Variants in KIAA0513 observed in about 807,000 individuals in gnomAD.
KIAA0513 encodes the protein KIAA0513.
Under a neutral mutation model 56.5 loss-of-function variants are expected in KIAA0513, and 39 were observed. The observed-to-expected ratio is 0.69, with a 90% CI of 0.53 to 0.90. KIAA0513 has a LOEUF of 0.90. KIAA0513 is among the 40% of genes least tolerant of loss of function. The pLI, the probability that KIAA0513 is intolerant of heterozygous loss-of-function variation, is 0.00. For missense variants in KIAA0513, 591 were observed against 535.2 expected, an observed-to-expected ratio of 1.10 and a Z score of -1.03; for synonymous variants, 268 against 215.6, an observed-to-expected ratio of 1.24 and a Z score of -2.13.
At chr16:85,079,274 G>A in intron 8 of KIAA0513, 1 of 544,080 alleles carries the variant, frequency 1.8e-6, no homozygotes, top group Non-Finnish European at 3.0e-6. Context: ...GAGTTACTCT[G>A]TGACCCAGCA....
intron 1 of KIAA0513, among the ~76,000 whole-genome samples, chr16:85,032,065 G>A (rs1189128662): frequency 6.6e-6 from 1 of 152,194 alleles, no homozygotes; most frequent in Non-Finnish European, 1.5e-5. Flanking sequence ...CTGGAGAACA[G>A]AAGTCCAAAA....
chr16:85,036,887 C>T (rs542467277), intron 1 of KIAA0513, among the ~76,000 whole-genome samples: 4 of 152,212 alleles, frequency 2.6e-5, no homozygotes, highest in South Asian at 4.1e-4. Context: ...GTCTGAGGCC[C>T]GCCTTGCTCA....
Position 85,089,993 on chromosome 16 carries a change from C to G in KIAA0513, c.*1668C>G, listed in dbSNP as rs563883126. 1 of 152,312 alleles carries G rather than the reference C, an allele frequency of 6.6e-6. No homozygotes were observed. The highest frequency in any genetic ancestry group is 6.5e-5 in the Admixed American group (1 of 15,296). The allele number at this position is 152,312 out of a possible 1,614,324, so 9.4% of individuals were successfully genotyped here. A position where few individuals can be genotyped will look rare whatever the true frequency, so the allele number is the denominator to read the frequency against. On this transcript the variant is annotated 3_prime_UTR_variant, in exon 13 of 13. Transcript: ENST00000683363. The surrounding 1 kb of genome is among the most constrained non-coding windows in gnomAD (Gnocchi z 4.2). ...TGCATGGTGCATGAGTGATCTCAGC[C>G]TAGCGATGCCGCTGGCCAGACCGTG...
intron 1 of KIAA0513, among the ~76,000 whole-genome samples, chr16:85,028,196 G>A (rs1188054559): frequency 6.6e-6 from 1 of 152,202 alleles, no homozygotes; most frequent in Non-Finnish European, 1.5e-5. Flanking sequence ...CCCCAACCCC[G>A]GGGCAGATGG....
In KIAA0513 at chr16:85,077,676, G is replaced by A. The variant is rs769700066; in HGVS notation, c.782+44G>A. The A allele has an allele frequency of 4.0e-6, 6 of 1,481,826 alleles. No homozygotes were observed. In the South Asian group the frequency reaches 6.2e-5, roughly 15 times the overall value. The allele number at this position is 1,481,826 out of a possible 1,614,324, so 91.8% of individuals were successfully genotyped here. A position where few individuals can be genotyped will look rare whatever the true frequency, so the allele number is the denominator to read the frequency against. ...TCCCTCCCACCTGCAGGGGACTGGG[G>A]AGAGGCTGGTGTGGAGCTCGGACGG... On this transcript the variant is annotated intron_variant, in intron 6 of 12. Coordinates refer to ENST00000683363, the MANE Select transcript of KIAA0513 (RefSeq NM_001388359.1).
rs1452635413 is a variant in KIAA0513 at position 85,092,255 on chromosome 16, T to A, written c.*3930T>A. 2.0e-5 allele frequency: 3 copies of A among 152,246 alleles called. No individual in the cohort carries two copies. The highest frequency in any genetic ancestry group is 6.5e-5 in the Admixed American group (1 of 15,268). 9.4% of individuals were successfully genotyped at this position (152,246 alleles called of 1,614,324 possible). Reference sequence around the variant, plus strand: ...CATCACACCTGCCTCTGTTGGCTTTTTAGTTAGGAAGGATCCAGCTAGGCC... The same window carrying A: ...CATCACACCTGCCTCTGTTGGCTTTATAGTTAGGAAGGATCCAGCTAGGCC... On this transcript the variant is annotated 3_prime_UTR_variant, in exon 13 of 13. Transcript: ENST00000683363.
At chr16:85,071,755 T>TTA in intron 2 of KIAA0513, 28 bp from the exon 3 acceptor site, 1 of 1,514,024 alleles carries the variant, frequency 6.6e-7, no homozygotes, top group Non-Finnish European at 9.0e-7. Flanking sequence ...TTTTTTTTTT[T>TTA]TCCTCTGCTC....
intron 1 of KIAA0513, among the ~76,000 whole-genome samples, chr16:85,057,519 G>T (rs1019675810): frequency 4.6e-5 from 7 of 152,148 alleles, no homozygotes; most frequent in Admixed American, 1.3e-4. Context: ...ACCTTTGCTG[G>T]CACTGTGAGT....
intron 1 of KIAA0513, among the ~76,000 whole-genome samples, chr16:85,028,219 G>A (rs2072915652): frequency 6.6e-6 from 1 of 152,188 alleles, no homozygotes; most frequent in African/African-American, 2.4e-5. Context: ...GCAGCAGGTG[G>A]CTTTGGGATG....
At chr16:85,058,578 G>C (rs1329712409) in intron 1 of KIAA0513, among the ~76,000 whole-genome samples, 4 of 151,754 alleles carry the variant, frequency 2.6e-5, no homozygotes, top group Non-Finnish European at 4.4e-5. Flanking sequence ...CATGAATCCG[G>C]GTGGCAAAGG....
At chr16:85,087,387 G>A (rs1212082876) in intron 12 of KIAA0513, among the ~76,000 whole-genome samples, 1 of 152,240 alleles carries the variant, frequency 6.6e-6, no homozygotes, top group African/African-American at 2.4e-5. Context: ...TGCTAGATGG[G>A]ATTGCGGGCA....
At chr16:85,061,399 C>T (rs1412044968) in intron 1 of KIAA0513, among the ~76,000 whole-genome samples, 3 of 152,178 alleles carry the variant, frequency 2.0e-5, no homozygotes, top group African/African-American at 4.8e-5. Context: ...GTGCGGGTTC[C>T]TTGCCCGGTC....
At chr16:85,049,338 C>G (rs568736399) in intron 1 of KIAA0513, among the ~76,000 whole-genome samples, 1 of 152,210 alleles carries the variant, frequency 6.6e-6, no homozygotes, top group Non-Finnish European at 1.5e-5. Context: ...ATGGGGCCAG[C>G]GGGAGCTGAG....
At chr16:85,037,424 G>A (rs2073049885) in intron 1 of KIAA0513, among the ~76,000 whole-genome samples, 1 of 152,174 alleles carries the variant, frequency 6.6e-6, no homozygotes, top group South Asian at 2.1e-4. Flanking sequence ...AGGGGTGGAA[G>A]CCTCATGAGG....
chr16:85,075,867 G>T lies in KIAA0513; in HGVS notation c.527G>T (p.Gly176Val). Residue 176 changes from glycine to valine, a missense_variant, in exon 5 of 13, where the codon GGG becomes GTG. Transcript: ENST00000683363. ...LFECHQMDDF[G>V]PAKNLMTMCF... The stretch of plus-strand genomic sequence containing the variant: ...AGGTGTCATCAGATGGATGACTTTG[G>T]GCCTGCCAAGAACCTCATGACCATG... 1 of 1,614,146 alleles carries T rather than the reference G, an allele frequency of 6.2e-7. No individual in the cohort carries two copies. The highest frequency in any genetic ancestry group is 8.5e-7 in the Non-Finnish European group (1 of 1,180,012).
intron 1 of KIAA0513, among the ~76,000 whole-genome samples, chr16:85,057,016 CT>C: frequency 6.6e-6 from 1 of 152,316 alleles, no homozygotes; most frequent in Admixed American, 6.5e-5. Flanking sequence ...AGATACTTGT[CT>C]TATTTTTCCT....
chr16:85,087,050 G>T, intron 11 of KIAA0513, 22 bp from the exon 12 acceptor site: 1 of 1,611,612 alleles, frequency 6.2e-7, no homozygotes, highest in Non-Finnish European at 8.5e-7. Context: ...AGCGGGTGAC[G>T]CTCTTGGGGT....
At chr16:85,066,061 G>C (rs2073476853) in intron 1 of KIAA0513, among the ~76,000 whole-genome samples, 1 of 152,210 alleles carries the variant, frequency 6.6e-6, no homozygotes, top group African/African-American at 2.4e-5. Context: ...ATACTTTACG[G>C]GTAAACAGAG....
intron 1 of KIAA0513, among the ~76,000 whole-genome samples, chr16:85,045,474 G>C (rs2073158953): frequency 6.6e-6 from 1 of 152,168 alleles, no homozygotes; most frequent in Non-Finnish European, 1.5e-5. Context: ...TCCTGCCTCA[G>C]CCTCCCGAGT....
Sources: allele counts gnomAD v4.1 joint callset (sites outside exome capture counted in the v4.1 genomes callset), GRCh38; gene constraint gnomAD v4.1.1; non-coding constraint Gnocchi (gnomAD v3.1); transcripts MANE v1.5; gene names NCBI Gene and HGNC (gene_info 2026-07-23, HGNC 2026-07-21).